The following GPC6 variants were observed in gnomAD, a reference collection of about 807,000 sequenced individuals.
The protein encoded by GPC6 is glypican-6.
Under a neutral mutation model 55.2 loss-of-function variants are expected in GPC6, and 14 were observed. The observed-to-expected ratio is 0.25, with a 90% CI of 0.17 to 0.40. The LOEUF (loss-of-function observed/expected upper bound fraction) is 0.40, where lower values mean the gene tolerates loss of function less well. Ranked by LOEUF, GPC6 falls within the 10% of genes least tolerant of loss-of-function variation. GPC6 has a pLI of 1.00. For missense variants in GPC6, 641 were observed against 708.5 expected (o/e 0.90, Z 1.08); for synonymous variants, 278 against 259.6 (o/e 1.07, Z -0.68).
At chr13:93,996,146 G>A (rs1881543516) in intron 3 of GPC6, among the ~76,000 whole-genome samples, 1 of 152,166 alleles carries the variant, frequency 6.6e-6, no homozygotes, top group Non-Finnish European at 1.5e-5. Flanking sequence ...CTTTGAAGAT[G>A]TAGTACACAA....
chr13:94,285,070 A>G (rs560384537), intron 4 of GPC6, among the ~76,000 whole-genome samples: 1 of 152,312 alleles, frequency 6.6e-6, no homozygotes, highest in Non-Finnish European at 1.5e-5. Context: ...AAGAAACAAC[A>G]TAAAGCAGCA....
At chr13:94,276,717 G>A (rs1892221978) in intron 4 of GPC6, among the ~76,000 whole-genome samples, 1 of 152,100 alleles carries the variant, frequency 6.6e-6, no homozygotes, top group South Asian at 2.1e-4. Context: ...GTGTTAGTTT[G>A]CTGAGGATGA....
At chr13:94,198,040 A>G (rs555789471) in intron 4 of GPC6, among the ~76,000 whole-genome samples, 1 of 152,354 alleles carries the variant, frequency 6.6e-6, no homozygotes, top group East Asian at 1.9e-4. Context: ...GTTATATAGC[A>G]TGACATGTAG....
intron 1 of GPC6, among the ~76,000 whole-genome samples, chr13:93,285,632 G>GTGTGTGTGTGTGTA (rs781508679): frequency 0.022 from 3,185 of 142,276 alleles, 69 homozygotes; most frequent in African/African-American, 0.05. Context: ...GTGTGTGTGT[G>GTGTGTGTGTGTGTA]TGTGTGTGTG....
intron 2 of GPC6, chr13:93,818,444 T>G (rs1025232027): frequency 3.3e-5 from 5 of 152,180 alleles, no homozygotes; most frequent in African/African-American, 1.2e-4. Flanking sequence ...TTGTTGTCTA[T>G]GTTATGTGCT....
At chr13:93,276,660 T>C (rs896915273) in intron 1 of GPC6, among the ~76,000 whole-genome samples, 1 of 152,026 alleles carries the variant, frequency 6.6e-6, no homozygotes, top group Non-Finnish European at 1.5e-5. Flanking sequence ...AAGGCAGCTC[T>C]TGGGACTCGG....
chr13:93,659,882 C>T (rs990767648), intron 2 of GPC6, among the ~76,000 whole-genome samples: 1 of 151,752 alleles, frequency 6.6e-6, no homozygotes, highest in South Asian at 2.1e-4. Context: ...GCAATTTTGA[C>T]AGTAAAAAAG....
intron 4 of GPC6, among the ~76,000 whole-genome samples, chr13:94,210,841 A>G (rs1037084523): frequency 1.3e-5 from 2 of 152,242 alleles, no homozygotes; most frequent in African/African-American, 2.4e-5. Flanking sequence ...ACCAGGGCAT[A>G]AAACAAATCC....
At chr13:93,762,711 C>G (rs1196357431) in intron 2 of GPC6, among the ~76,000 whole-genome samples, 1 of 152,128 alleles carries the variant, frequency 6.6e-6, no homozygotes, top group Admixed American at 6.5e-5. Context: ...ATGACCTAAC[C>G]AGCCTTTATG....
intron 2 of GPC6, among the ~76,000 whole-genome samples, chr13:93,786,954 A>G (rs905363160): frequency 2.0e-5 from 3 of 152,176 alleles, no homozygotes; most frequent in South Asian, 2.1e-4. Context: ...GGAGCCAGCT[A>G]TAACAGTATT....
intron 6 of GPC6, among the ~76,000 whole-genome samples, chr13:94,335,464 A>T (rs1198421889): frequency 6.6e-6 from 1 of 152,150 alleles, no homozygotes; most frequent in African/African-American, 2.4e-5. Context: ...AGGTCCAGAG[A>T]CCTTTACGAA....
At chr13:93,520,829 C>CTATATAGACAAAT (rs1158207925) in intron 1 of GPC6, among the ~76,000 whole-genome samples, 1 of 151,218 alleles carries the variant, frequency 6.6e-6, no homozygotes, top group Non-Finnish European at 1.5e-5. Context: ...TATAGACAAA[C>CTATATAGACAAAT]TATATATACT....
intron 4 of GPC6, among the ~76,000 whole-genome samples, chr13:94,260,246 T>G (rs1273726724): frequency 6.6e-6 from 1 of 152,196 alleles, no homozygotes; most frequent in Non-Finnish European, 1.5e-5. Flanking sequence ...AAAAAGGGAT[T>G]CCTAGCTCAG....
intron 4 of GPC6, among the ~76,000 whole-genome samples, chr13:94,230,493 A>G (rs923651331): frequency 6.6e-6 from 1 of 152,120 alleles, no homozygotes; most frequent in Non-Finnish European, 1.5e-5. Context: ...GACTCCTGAC[A>G]CGTGTGCCAG....
At chr13:94,370,350 T>A (rs1305977352) in intron 6 of GPC6, among the ~76,000 whole-genome samples, 1 of 152,218 alleles carries the variant, frequency 6.6e-6, no homozygotes, top group Non-Finnish European at 1.5e-5. Context: ...TAATATGTGC[T>A]CCCATAGCCC....
At chr13:93,711,637 G>A (rs1883071548) in intron 2 of GPC6, among the ~76,000 whole-genome samples, 2 of 151,342 alleles carry the variant, frequency 1.3e-5, no homozygotes, top group South Asian at 4.2e-4. Context: ...GACATTCTTG[G>A]ACTCTAATAC....
chr13:93,661,326 G>GC (rs1422909354), intron 2 of GPC6, among the ~76,000 whole-genome samples: 2 of 152,024 alleles, frequency 1.3e-5, no homozygotes, highest in Admixed American at 1.3e-4. Context: ...CGATTCTCCT[G>GC]CCTTAGCCTT....
At chr13:93,540,439 A>AT (rs1882246868) in intron 1 of GPC6, among the ~76,000 whole-genome samples, 1 of 152,116 alleles carries the variant, frequency 6.6e-6, no homozygotes, top group African/African-American at 2.4e-5. Context: ...GATGTTTATC[A>AT]TTTTCAAGAA....
chr13:93,283,964 A>G (rs1325189910), intron 1 of GPC6, among the ~76,000 whole-genome samples: 2 of 152,200 alleles, frequency 1.3e-5, no homozygotes, highest in East Asian at 1.9e-4. Context: ...CACAAAGTGG[A>G]TAATCTAAGA....
Sources: allele counts gnomAD v4.1 joint callset (sites outside exome capture counted in the v4.1 genomes callset), GRCh38; gene constraint gnomAD v4.1.1; transcripts MANE v1.5; gene names NCBI Gene and HGNC (gene_info 2026-07-23, HGNC 2026-07-21).